The following PGGT1B variants were observed in gnomAD, a reference collection of about 807,000 sequenced individuals.
PGGT1B encodes protein geranylgeranyltransferase type I subunit beta, also known as geranylgeranyl transferase type-1 subunit beta.
PGGT1B carries 30 observed loss-of-function variants against 46.1 expected under a neutral mutation model. That is an observed-to-expected ratio of 0.65 (90% CI 0.49 to 0.88). PGGT1B has a LOEUF of 0.88. Among genes scored for constraint, PGGT1B ranks in the 40% least tolerant of loss-of-function variants. PGGT1B has a pLI of 0.00. For missense variants in PGGT1B, 376 were observed against 455.9 expected (o/e 0.82, Z 1.60); for synonymous variants, 170 against 160.0 (o/e 1.06, Z -0.47).
intron 8 of PGGT1B, among the ~76,000 whole-genome samples, chr5:115,214,160 C>T (rs1756335807): frequency 1.3e-5 from 2 of 152,080 alleles, no homozygotes; most frequent in Non-Finnish European, 1.5e-5. Context: ...AAATATATAT[C>T]TATAATAACA....
At position 115,209,090 on chromosome 5, in the gene PGGT1B, G is replaced by A. The variant is rs575311526; in HGVS notation, c.*3312C>T. On this transcript the variant is annotated 3_prime_UTR_variant, in exon 9 of 9. Coordinates refer to ENST00000419445, the MANE Select transcript of PGGT1B (RefSeq NM_005023.4). ...TCTAGGATGACTTCACAGCCTTAGA[G>A]CTCCCATTTTCACAGTGATTTAAAA... The A allele has an allele frequency of 1.3e-5, 2 of 151,868 alleles. No homozygotes were observed. Among genetic ancestry groups the A allele is most frequent in the South Asian group, 4.2e-4 (2 of 4,806 alleles). 9.4% of individuals were successfully genotyped at this position (151,868 alleles called of 1,614,324 possible).
rs1378649176 is a variant in PGGT1B, at chr5:115,252,659, A to C, written c.259+478T>G. Reference sequence around the variant, plus strand: ...TCAAAAGTTTTTAAGTGTTAAGTGTAAAAATGACTGAAGCATACATAAGAG... The same window carrying C: ...TCAAAAGTTTTTAAGTGTTAAGTGTCAAAATGACTGAAGCATACATAAGAG... On this transcript the variant is annotated intron_variant, in intron 2 of 8. Transcript: ENST00000419445. Among the ~76,000 whole-genome samples the C allele has an allele frequency of 2.6e-5, 4 of 152,080 alleles. No homozygotes were observed. In the East Asian group the frequency reaches 7.7e-4, roughly 29 times the overall value.
At position 115,238,291 on chromosome 5, in the gene PGGT1B, A is replaced by ATTTTTTTTTTTTTTTTTTTTTTTTTTTTT. The variant is rs35711954; in HGVS notation, c.328-311_328-283dup. ...AATTATGTATTACTTATTTTTTTGGATTTTTTTTTTTTTTTTTTTTTTTTT... is the reference window on the plus strand; with the variant it reads ...AATTATGTATTACTTATTTTTTTGGATTTTTTTTTTTTTTTTTTTTTTTTTTTTTTTTTTTTTTTTTTTTTTTTTTTTTT... On this transcript the variant is annotated intron_variant, in intron 3 of 8. Coordinates refer to ENST00000419445, the MANE Select transcript of PGGT1B (RefSeq NM_005023.4). Among the ~76,000 whole-genome samples the ATTTTTTTTTTTTTTTTTTTTTTTTTTTTT allele has an allele frequency of 1.1e-4, 5 of 46,964 alleles. 1 individual carries two copies. The highest frequency in any genetic ancestry group is 1.3e-3 in the South Asian group (1 of 778). 30.8% of individuals were successfully genotyped at this position (46,964 alleles called of 152,430 possible). A position where few individuals can be genotyped will look rare whatever the true frequency, so the allele number is the denominator to read the frequency against.
Position 115,210,813 on chromosome 5 carries a change from C to A in PGGT1B, c.*1589G>T, listed in dbSNP as rs1247945774. 1 of 151,962 alleles carries A rather than the reference C, an allele frequency of 6.6e-6. No individual in the cohort carries two copies. The highest frequency in any genetic ancestry group is 1.5e-5 in the Non-Finnish European group (1 of 67,906). The allele number at this position is 151,962 out of a possible 1,614,324, so 9.4% of individuals were successfully genotyped here. A position where few individuals can be genotyped will look rare whatever the true frequency, so the allele number is the denominator to read the frequency against. ...ATTTAAATAGTAGCAACTGGAATAACCCATAGACGGATAACATCTGTTATT... is the reference window on the plus strand; with the variant it reads ...ATTTAAATAGTAGCAACTGGAATAAACCATAGACGGATAACATCTGTTATT... On this transcript the variant is annotated 3_prime_UTR_variant, in exon 9 of 9. Transcript: ENST00000419445.
At chr5:115,212,804 T>C (rs1035556651) in intron 8 of PGGT1B, among the ~76,000 whole-genome samples, 1 of 152,070 alleles carries the variant, frequency 6.6e-6, no homozygotes, top group Non-Finnish European at 1.5e-5. Flanking sequence ...AAAATATCAT[T>C]AACAAAGGAA....
chr5:115,227,928 G>A (rs997072407), intron 6 of PGGT1B, among the ~76,000 whole-genome samples: 23 of 152,258 alleles, frequency 1.5e-4, no homozygotes, highest in African/African-American at 5.3e-4. Context: ...GGGATTATAA[G>A]TTGCTAATTT....
At chr5:115,237,270 G>A (rs1757212591) in intron 4 of PGGT1B, among the ~76,000 whole-genome samples, 1 of 152,124 alleles carries the variant, frequency 6.6e-6, no homozygotes, top group Admixed American at 6.5e-5. Flanking sequence ...AGCACAGCAG[G>A]ATTTGTTTGC....
chr5:115,230,775 A>G (rs1756954142), intron 6 of PGGT1B, among the ~76,000 whole-genome samples: 2 of 152,104 alleles, frequency 1.3e-5, no homozygotes, highest in Non-Finnish European at 2.9e-5. Flanking sequence ...CCCAGCCTGA[A>G]TAACACCTGA....
At chr5:115,218,606 A>G (rs916867989) in intron 7 of PGGT1B, among the ~76,000 whole-genome samples, 2 of 151,050 alleles carry the variant, frequency 1.3e-5, no homozygotes, top group East Asian at 3.9e-4. Context: ...AGAATTCAGT[A>G]TTTATCTGTC....
rs1160737388 is a variant in PGGT1B, at chr5:115,237,843, A to G, written c.479+15T>C. The G allele has an allele frequency of 1.3e-6, 2 of 1,596,412 alleles. No homozygotes were observed. The highest frequency in any genetic ancestry group is 1.7e-6 in the Non-Finnish European group (2 of 1,175,258). ...TTTGTTTATTACAAAAAAAGTAACA[A>G]AGAATCACTCATACCTCCCATCTTC... On this transcript the variant is annotated intron_variant, in intron 4 of 8. Coordinates refer to ENST00000419445, the MANE Select transcript of PGGT1B (RefSeq NM_005023.4).
rs1280703394 is a variant in PGGT1B, at chr5:115,207,285, C to T, written c.*5117G>A. The T allele has an allele frequency of 6.8e-6, 1 of 147,646 alleles. No individual in the cohort carries two copies. Among genetic ancestry groups the T allele is most frequent in the Non-Finnish European group, 1.5e-5 (1 of 67,022 alleles). 9.1% of individuals were successfully genotyped at this position (147,646 alleles called of 1,614,324 possible). A position where few individuals can be genotyped will look rare whatever the true frequency, so the allele number is the denominator to read the frequency against. On this transcript the variant is annotated 3_prime_UTR_variant, in exon 9 of 9. Transcript: ENST00000419445. Reference sequence around the variant, plus strand: ...AGAAAAGTGCACAAATCATATACAGCTTGATAAATATTCATAAGGTGAATG... The same window carrying T: ...AGAAAAGTGCACAAATCATATACAGTTTGATAAATATTCATAAGGTGAATG...
At chr5:115,247,871 G>T (rs1443654569) in intron 2 of PGGT1B, among the ~76,000 whole-genome samples, 1 of 152,090 alleles carries the variant, frequency 6.6e-6, no homozygotes, top group African/African-American at 2.4e-5. Context: ...CTGTGGAATG[G>T]TCTACCAGAC....
At chr5:115,225,412 A>C (rs1756740657) in intron 6 of PGGT1B, among the ~76,000 whole-genome samples, 1 of 152,120 alleles carries the variant, frequency 6.6e-6, no homozygotes, top group African/African-American at 2.4e-5. Flanking sequence ...TTATGTTATG[A>C]TCTACTTATA....
At chr5:115,240,114 C>G (rs1194907499) in intron 3 of PGGT1B, among the ~76,000 whole-genome samples, 3 of 152,042 alleles carry the variant, frequency 2.0e-5, no homozygotes, top group Non-Finnish European at 2.9e-5. Flanking sequence ...GTTCCTTTTA[C>G]CACCCAGAAT....
In PGGT1B at chr5:115,262,707, G is replaced by A. The variant is rs1748618033; in HGVS notation, c.140+5C>T. On this transcript the variant is annotated splice_donor_5th_base_variant and intron_variant, in intron 1 of 8. Coordinates refer to ENST00000419445, the MANE Select transcript of PGGT1B (RefSeq NM_005023.4). ...GCCAGCCTGGCTGACTGTGCCACGA[G>A]TTACCTGCTTGTCTCGAGTGAAGAA... The A allele has an allele frequency of 6.2e-7, 1 of 1,604,006 alleles. No homozygotes were observed. Among genetic ancestry groups the A allele is most frequent in the South Asian group, 1.1e-5 (1 of 89,590 alleles).
chr5:115,221,552 T>C (rs1756589752), intron 7 of PGGT1B, among the ~76,000 whole-genome samples: 1 of 152,008 alleles, frequency 6.6e-6, no homozygotes, highest in Non-Finnish European at 1.5e-5. Context: ...AGAAAGTAAG[T>C]ATTTAATATG....
In PGGT1B at chr5:115,210,986, T is replaced by C. The variant is rs374711176; in HGVS notation, c.*1416A>G. On this transcript the variant is annotated 3_prime_UTR_variant, in exon 9 of 9. Coordinates refer to ENST00000419445, the MANE Select transcript of PGGT1B (RefSeq NM_005023.4). ...ACAGTGTTTCCCTTGGGAAGGACTG[T>C]TATTTCACAACATTTTTTTCCCTCT... 1 of 152,074 alleles carries C rather than the reference T, an allele frequency of 6.6e-6. No homozygotes were observed. The highest frequency in any genetic ancestry group is 2.4e-5 in the African/African-American group (1 of 41,454). 9.4% of individuals were successfully genotyped at this position (152,074 alleles called of 1,614,324 possible). A position where few individuals can be genotyped will look rare whatever the true frequency, so the allele number is the denominator to read the frequency against.
chr5:115,251,127 G>C (rs550328903), intron 2 of PGGT1B, among the ~76,000 whole-genome samples: 10 of 152,192 alleles, frequency 6.6e-5, no homozygotes, highest in African/African-American at 2.2e-4. Flanking sequence ...GTATACACTA[G>C]AACTGTTGGG....
intron 1 of PGGT1B, among the ~76,000 whole-genome samples, chr5:115,254,166 T>C (rs578041596): frequency 9.2e-5 from 14 of 152,208 alleles, no homozygotes; most frequent in African/African-American, 3.4e-4. Context: ...TGTCCTGAGG[T>C]ATCCACTGTA....
Sources: allele counts gnomAD v4.1 joint callset (sites outside exome capture counted in the v4.1 genomes callset), GRCh38; gene constraint gnomAD v4.1.1; transcripts MANE v1.5; gene names NCBI Gene and HGNC (gene_info 2026-07-23, HGNC 2026-07-21).